The following VDAC1 variants were observed in gnomAD, a reference collection of about 807,000 sequenced individuals.
VDAC1 encodes non-selective voltage-gated ion channel VDAC1.
VDAC1 carries 10 observed loss-of-function variants against 34.7 expected under a neutral mutation model. That is an observed-to-expected ratio of 0.29 (90% CI 0.18 to 0.49). The LOEUF is 0.49. Ranked by LOEUF, VDAC1 falls within the 20% of genes least tolerant of loss-of-function variation. The pLI is 0.99. For missense variants in VDAC1, 230 were observed against 347.9 expected (o/e 0.66, Z 2.69); for synonymous variants, 130 against 136.0 (o/e 0.96, Z 0.30).
the VDAC1 span, among the ~76,000 whole-genome samples, chr5:134,094,286 C>T: frequency 6.6e-6 from 1 of 152,240 alleles, no homozygotes; most frequent in Non-Finnish European, 1.5e-5. Context: ...GAGGGAGTGC[C>T]TGATGGATAT....
chr5:134,031,823 T>C, the VDAC1 span, among the ~76,000 whole-genome samples: 1 of 151,622 alleles, frequency 6.6e-6, no homozygotes, highest in African/African-American at 2.4e-5. Flanking sequence ...TGGTGGCAGG[T>C]GCCTGTAATC....
the VDAC1 span, among the ~76,000 whole-genome samples, chr5:134,020,726 G>A: frequency 6.6e-6 from 1 of 152,084 alleles, no homozygotes; most frequent in African/African-American, 2.4e-5. Context: ...ACCCAGGCTG[G>A]AGTGCAGTGG....
the VDAC1 span, among the ~76,000 whole-genome samples, chr5:134,056,288 TTTACC>T: frequency 4.0e-5 from 6 of 151,808 alleles, no homozygotes; most frequent in East Asian, 1.9e-4. Context: ...GTGATTTATT[TTTACC>T]TTACAAGATA....
chr5:134,053,973 C>A, the VDAC1 span, among the ~76,000 whole-genome samples: 1 of 152,168 alleles, frequency 6.6e-6, no homozygotes. Context: ...GAACAATCAG[C>A]TCCTTTGTTG....
At chr5:134,005,169 C>T (rs1561604299), upstream of VDAC1, 1 of 152,224 alleles carries the variant, frequency 6.6e-6, no homozygotes, top group Non-Finnish European at 1.5e-5. Context: ...TCCTGCTTGG[C>T]CTCCGCGCTG....
the VDAC1 span, among the ~76,000 whole-genome samples, chr5:134,020,510 C>A: frequency 6.6e-6 from 1 of 152,258 alleles, no homozygotes; most frequent in East Asian, 1.9e-4. Context: ...GGGAGAGAAT[C>A]CAGCTTTGCT....
intron 5 of VDAC1, among the ~76,000 whole-genome samples, chr5:133,981,826 C>T (rs1366450560): frequency 1.3e-5 from 2 of 152,178 alleles, no homozygotes; most frequent in Non-Finnish European, 2.9e-5. Context: ...GTTACAAGAT[C>T]GACATCTCCC....
At chr5:134,017,849 C>T in the VDAC1 span, among the ~76,000 whole-genome samples, 1 of 151,932 alleles carries the variant, frequency 6.6e-6, no homozygotes, top group Non-Finnish European at 1.5e-5. Context: ...GGAGGCGGAG[C>T]TTGCAGTGAG....
At chr5:134,045,849 T>C in the VDAC1 span, among the ~76,000 whole-genome samples, 1 of 151,756 alleles carries the variant, frequency 6.6e-6, no homozygotes, top group Non-Finnish European at 1.5e-5. Flanking sequence ...CACGCCTGGC[T>C]AATTTTCATA....
the VDAC1 span, among the ~76,000 whole-genome samples, chr5:134,105,110 G>A: frequency 2.0e-5 from 3 of 152,090 alleles, no homozygotes; most frequent in Admixed American, 1.3e-4. Flanking sequence ...GAAAGAACTC[G>A]CTCCGTGAAT....
the VDAC1 span, among the ~76,000 whole-genome samples, chr5:134,072,173 C>G: frequency 1.3e-4 from 20 of 152,296 alleles, no homozygotes; most frequent in Non-Finnish European, 2.4e-4. Context: ...ATTTACTCAA[C>G]AGGGACTGTT....
the VDAC1 span, among the ~76,000 whole-genome samples, chr5:134,069,972 A>G: frequency 1.3e-5 from 2 of 152,142 alleles, no homozygotes; most frequent in Non-Finnish European, 2.9e-5. Flanking sequence ...GCACCCTGAC[A>G]GTTTACAAAT....
the VDAC1 span, among the ~76,000 whole-genome samples, chr5:134,054,040 A>C: frequency 1.3e-5 from 2 of 152,174 alleles, no homozygotes; most frequent in Non-Finnish European, 2.9e-5. Context: ...GATATTAAGG[A>C]TTTAATAACC....
chr5:134,114,528 C>G, the VDAC1 span, among the ~76,000 whole-genome samples: 1 of 152,004 alleles, frequency 6.6e-6, no homozygotes, highest in Non-Finnish European at 1.5e-5. Context: ...CAGGCTTGTC[C>G]GACGTCTCTC....
At chr5:134,084,021 AAT>A in the VDAC1 span, among the ~76,000 whole-genome samples, 2 of 152,192 alleles carry the variant, frequency 1.3e-5, no homozygotes, top group African/African-American at 4.8e-5. Flanking sequence ...TCATCTGTAA[AAT>A]AGGGGGCAAA....
chr5:133,996,667 A>G (rs1027033824), intron 1 of VDAC1, among the ~76,000 whole-genome samples: 3 of 152,122 alleles, frequency 2.0e-5, no homozygotes, highest in Non-Finnish European at 2.9e-5. Flanking sequence ...TTACGTATAT[A>G]AAGATGCTAA....
intron 5 of VDAC1, among the ~76,000 whole-genome samples, chr5:133,982,494 AGAGT>A (rs1752737228): frequency 6.7e-6 from 1 of 150,026 alleles, no homozygotes; most frequent in Non-Finnish European, 1.5e-5. Flanking sequence ...CCTGGGCGAC[AGAGT>A]AAGACTCCGT....
chr5:133,988,478 C>T (rs1471138741), intron 5 of VDAC1, among the ~76,000 whole-genome samples: 2 of 151,718 alleles, frequency 1.3e-5, no homozygotes, highest in Non-Finnish European at 2.9e-5. Flanking sequence ...CCCGGCTACT[C>T]GGGAGGCTGA....
chr5:134,010,729 C>T, the VDAC1 span, among the ~76,000 whole-genome samples: 2 of 152,134 alleles, frequency 1.3e-5, no homozygotes, highest in Admixed American at 6.6e-5. Flanking sequence ...ATGGTAAGTA[C>T]AACAATGGCC....
Sources: gnomAD v4.1 joint callset for allele counts (sites outside exome capture counted in the v4.1 genomes callset) on GRCh38, gnomAD v4.1.1 for gene constraint, MANE v1.5 for transcripts, NCBI Gene and HGNC (gene_info 2026-07-23, HGNC 2026-07-21) for gene names.